The following MMD2 variants were observed in gnomAD, a reference collection of about 807,000 sequenced individuals.
The protein encoded by MMD2 is monocyte to macrophage differentiation associated 2.
A neutral mutation model predicts 33.5 loss-of-function variants in MMD2; 30 were observed. The ratio of observed to expected loss-of-function variants is 0.90; its 90% CI spans 0.67 to 1.22. The LOEUF (loss-of-function observed/expected upper bound fraction) is 1.22, where lower values mean the gene tolerates loss of function less well. Among genes scored for constraint, MMD2 ranks in the 50% most tolerant of loss-of-function variants. MMD2 has a pLI of 0.00. For synonymous variants in MMD2, 129 were observed against 123.0 expected (o/e 1.05, Z -0.32); for missense variants, 364 against 325.4 (o/e 1.12, Z -0.91).
At chr7:4,949,523 T>C (rs1394453731) in intron 1 of MMD2, among the ~76,000 whole-genome samples, 2 of 152,064 alleles carry the variant, frequency 1.3e-5, no homozygotes, top group African/African-American at 4.8e-5. Flanking sequence ...CTCAGTCTTT[T>C]TTTTTTTTAG....
rs558297609 is a variant in MMD2 at position 4,906,354 on chromosome 7, G to A, written c.*1042C>T. On this transcript the variant is annotated 3_prime_UTR_variant, in exon 7 of 7. Coordinates refer to ENST00000401401, the MANE Select transcript of MMD2 (RefSeq NM_198403.4). ...GAGGTTGGGAGGACCTGGAACAGTC[G>A]CCCCAGATCCATGTGCCTTCTGTTT... 3.5e-5 allele frequency: 14 copies of A among 395,738 alleles called. No homozygotes were observed. Among genetic ancestry groups the A allele is most frequent in the African/African-American group, 2.5e-4 (12 of 48,628 alleles). 24.5% of individuals were successfully genotyped at this position (395,738 alleles called of 1,614,324 possible).
chr7:4,916,123 G>A (rs1330581835), intron 3 of MMD2, 44 bp from the exon 4 acceptor site: 3 of 1,591,370 alleles, frequency 1.9e-6, no homozygotes, highest in Non-Finnish European at 2.6e-6. Context: ...CTGCACAGCA[G>A]GGAAGGGCCA....
chr7:4,914,013 C>T (rs6947382), intron 4 of MMD2, among the ~76,000 whole-genome samples: 3 of 151,844 alleles, frequency 2.0e-5, no homozygotes, highest in Non-Finnish European at 2.9e-5. Flanking sequence ...TTTTAGAGAC[C>T]GGGTGTCACT....
At chr7:4,927,196 G>A (rs935941802) in intron 1 of MMD2, among the ~76,000 whole-genome samples, 4 of 152,058 alleles carry the variant, frequency 2.6e-5, no homozygotes, top group Non-Finnish European at 2.9e-5. Flanking sequence ...TGGTGAACAC[G>A]CGCACTTATT....
chr7:4,909,630 C>G lies in MMD2; in HGVS notation c.537+251G>C, dbSNP rs1053565854. The stretch of plus-strand genomic sequence containing the variant: ...AATTTTTTTTTTTTTAGAGATGGGT[C>G]TTGCTATGTTGCCCAGGCTGGTCTC... On this transcript the variant is annotated intron_variant, in intron 6 of 6. Transcript: ENST00000401401. The G allele has an allele frequency of 1.8e-5, 12 of 671,278 alleles. No homozygotes were observed. The African/African-American group carries it at 1.8e-4, about 10-fold the overall frequency. The allele number at this position is 671,278 out of a possible 1,614,324, so 41.6% of individuals were successfully genotyped here.
chr7:4,925,888 A>G (rs1785411934), intron 1 of MMD2, among the ~76,000 whole-genome samples: 1 of 152,168 alleles, frequency 6.6e-6, no homozygotes, highest in South Asian at 2.1e-4. Flanking sequence ...ATCTCAGCTC[A>G]CTGCAACCTC....
rs778919993 is a variant in MMD2 at position 4,911,165 on chromosome 7, A to C, written c.447T>G (p.Tyr149Ter). The C allele has an allele frequency of 2.1e-5, 33 of 1,591,444 alleles. No homozygotes were observed. Among genetic ancestry groups the C allele is most frequent in the Non-Finnish European group, 2.8e-5 (33 of 1,169,992 alleles). ...CTTACCGCTCATGGAAGAAGAAGAC[A>C]TAGATGGTGCCCACGGAAGCCATAA... is the stretch of plus-strand genomic sequence containing the variant. ...VWIMASVGTIYVFFFHERYKL... is the reference protein window; with the variant it reads ...VWIMASVGTI The change falls in exon 5 of 7, where the codon TAT becomes TAG. Residue 149 changes from tyrosine (Y) to a stop codon, truncating the protein, a stop_gained. Transcript: ENST00000401401. LOFTEE classifies it high-confidence loss of function.
intron 1 of MMD2, among the ~76,000 whole-genome samples, chr7:4,950,427 C>G (rs1456028662): frequency 6.6e-6 from 1 of 152,054 alleles, no homozygotes; most frequent in Non-Finnish European, 1.5e-5. Flanking sequence ...CCACCGTCAC[C>G]ACCATCCATC....
intron 5 of MMD2, among the ~76,000 whole-genome samples, chr7:4,910,881 G>T (rs1357053344): frequency 6.6e-6 from 1 of 152,116 alleles, no homozygotes; most frequent in Non-Finnish European, 1.5e-5. Flanking sequence ...TGCCTGCCTC[G>T]TGGATCACTC....
chr7:4,923,525 G>C (rs575631166), intron 2 of MMD2, among the ~76,000 whole-genome samples: 4 of 152,238 alleles, frequency 2.6e-5, no homozygotes, highest in East Asian at 3.9e-4. Context: ...TGGCTCTTAC[G>C]ATGTCCATTC....
chr7:4,958,915 CCCG>C, intron 1 of MMD2, 53 bp downstream of exon 1: 1 of 1,276,436 alleles, frequency 7.8e-7, no homozygotes, highest in Non-Finnish European at 1.0e-6. Flanking sequence ...CTCCGCGGCC[CCCG>C]CCGCCGCGCG....
At chr7:4,909,663 T>TG in intron 6 of MMD2, 4 of 733,860 alleles carry the variant, frequency 5.5e-6, no homozygotes, top group Non-Finnish European at 7.3e-6. Context: ...CTCAAATCCC[T>TG]GGACTCAAAC....
chr7:4,893,543 C>T, the MMD2 span, among the ~76,000 whole-genome samples: 2 of 151,948 alleles, frequency 1.3e-5, no homozygotes, highest in South Asian at 2.1e-4. Context: ...AGACATGCAC[C>T]ACCACACCCG....
chr7:4,944,275 T>A (rs899255187), intron 1 of MMD2, among the ~76,000 whole-genome samples: 1 of 151,328 alleles, frequency 6.6e-6, no homozygotes, highest in South Asian at 2.1e-4. Context: ...AAAAAAAAAA[T>A]TGGAATCTAT....
At chr7:4,920,388 C>A in intron 2 of MMD2, 57 bp from the exon 3 acceptor site, 1 of 1,548,508 alleles carries the variant, frequency 6.5e-7, no homozygotes, top group East Asian at 2.4e-5. Flanking sequence ...CAGAGCACAC[C>A]TCCTGCCCCT....
At chr7:4,904,857 T>G (rs1270855094), downstream of MMD2, among the ~76,000 whole-genome samples, 1 of 152,084 alleles carries the variant, frequency 6.6e-6, no homozygotes, top group East Asian at 1.9e-4. Flanking sequence ...TGCAAGTAGC[T>G]GCATGATGAA....
intron 1 of MMD2, among the ~76,000 whole-genome samples, chr7:4,936,488 GT>G (rs1211380712): frequency 6.6e-6 from 1 of 152,006 alleles, no homozygotes; most frequent in Non-Finnish European, 1.5e-5. Flanking sequence ...GATTTGTGTT[GT>G]TTGAATCTTT....
chr7:4,925,260 A>G (rs537821841), intron 2 of MMD2, among the ~76,000 whole-genome samples, 191 bp downstream of exon 2: 211 of 152,176 alleles, frequency 1.4e-3, no homozygotes, highest in African/African-American at 4.9e-3. Flanking sequence ...CAAGACAGAG[A>G]CATGGCCAGC....
Position 4,909,968 on chromosome 7 carries a change from C to A in MMD2, c.468-18G>T. On this transcript the variant is annotated intron_variant, in intron 5 of 6. Transcript: ENST00000401401. Reference sequence around the variant, plus strand: ...GCTTGTACCTGGCAGGAAGACAAGCCGTGCCGGCCTTAGGACATGCCTCCC... The same window carrying A: ...GCTTGTACCTGGCAGGAAGACAAGCAGTGCCGGCCTTAGGACATGCCTCCC... 6.2e-7 allele frequency: 1 copy of A among 1,613,924 alleles called. No homozygotes were observed.
Sources: gnomAD v4.1 joint callset for allele counts (sites outside exome capture counted in the v4.1 genomes callset) on GRCh38, gnomAD v4.1.1 for gene constraint, MANE v1.5 for transcripts, NCBI Gene and HGNC (gene_info 2026-07-23, HGNC 2026-07-21) for gene names.